BLOC1S3: variants seen among roughly 807,000 people sequenced by gnomAD.
The protein encoded by BLOC1S3 is biogenesis of lysosome-related organelles complex 1 subunit 3.
Under a neutral mutation model 9.1 loss-of-function variants are expected in BLOC1S3, and 7 were observed. The ratio of observed to expected loss-of-function variants is 0.77; its 90% CI spans 0.44 to 1.45. The LOEUF (loss-of-function observed/expected upper bound fraction) is 1.45. Among genes scored for constraint, BLOC1S3 ranks in the 40% most tolerant of loss-of-function variants. BLOC1S3 has a pLI of 0.01. For synonymous variants in BLOC1S3, 145 were observed against 158.4 expected (o/e 0.92, Z 0.64); for missense variants, 307 against 315.2 (o/e 0.97, Z 0.20).
At chr19:45,213,753 T>TG (rs1233452030) in intron 3 of BLOC1S3, among the ~76,000 whole-genome samples, 3 of 151,132 alleles carry the variant, frequency 2.0e-5, no homozygotes, top group Non-Finnish European at 2.9e-5. Context: ...GAGACCAGCC[T>TG]GGCCAACATG....
chr19:45,192,552 C>G (rs548508695), intron 2 of BLOC1S3, among the ~76,000 whole-genome samples: 1 of 152,336 alleles, frequency 6.6e-6, no homozygotes, highest in East Asian at 1.9e-4. Context: ...GTCAGTGTGT[C>G]TCTGAGTCTC....
At chr19:45,202,249 C>G (rs1287903980) in intron 2 of BLOC1S3, among the ~76,000 whole-genome samples, 1 of 146,570 alleles carries the variant, frequency 6.8e-6, no homozygotes, top group South Asian at 2.2e-4. Context: ...ACGTGCCTTT[C>G]AGCTTCTGCC....
At chr19:45,190,439 A>G (rs8113514) in intron 2 of BLOC1S3, among the ~76,000 whole-genome samples, 10,851 of 151,188 alleles carry the variant, frequency 0.072, 614 homozygotes, top group Non-Finnish European at 0.1. Flanking sequence ...TGGCTCTATC[A>G]CCCAGGCTGG....
chr19:45,195,875 G>A (rs931582476), intron 2 of BLOC1S3, among the ~76,000 whole-genome samples: 5 of 152,246 alleles, frequency 3.3e-5, no homozygotes, highest in Admixed American at 6.5e-5. Context: ...GATTACGGGC[G>A]TGAGCCACCG....
Position 45,179,589 on chromosome 19 carries a change from A to G in BLOC1S3, c.293A>G (p.Glu98Gly). ...GCGGAGGAGGCCTGGGGCACGGAGG[A>G]GGCCCCGGCGCCCGCCCCCGCGCGC... ...ESAEEAWGTE[E>G]APAPAPARSL... The change falls in exon 2 of 2, where the codon GAG becomes GGG. Residue 98 changes from glutamate (E) to glycine (G), a missense_variant. Transcript: ENST00000433642. The surrounding 1 kb of genome is among the most constrained non-coding windows in gnomAD (Gnocchi z 4.6). 6.7e-7 allele frequency: 1 copy of G among 1,483,894 alleles called. No homozygotes were observed. The highest frequency in any genetic ancestry group is 8.9e-7 in the Non-Finnish European group (1 of 1,123,936). 91.9% of individuals were successfully genotyped at this position (1,483,894 alleles called of 1,614,324 possible).
intron 2 of BLOC1S3, among the ~76,000 whole-genome samples, chr19:45,190,385 A>T (rs1207245730): frequency 2.7e-5 from 4 of 150,062 alleles, no homozygotes; most frequent in Admixed American, 6.7e-5. Context: ...TCCCCCACCC[A>T]TATATATAGT....
In BLOC1S3 at chr19:45,179,134, C is replaced by T; in HGVS notation, c.-9-154C>T. ...GGGGTCCAGTAACCCCCATCATCAC[C>T]CAGTTTACAGAAGAGGAAACTGAGG... is the stretch of plus-strand genomic sequence containing the variant. On this transcript the variant is annotated intron_variant, in intron 1 of 1. Transcript: ENST00000433642. This position sits in a 1 kb window ranked among gnomAD's most constrained non-coding sequence, Gnocchi z 4.6. 1 of 783,852 alleles carries T rather than the reference C, an allele frequency of 1.3e-6. No individual in the cohort carries two copies. The highest frequency in any genetic ancestry group is 2.5e-5 in the South Asian group (1 of 39,638). 48.6% of individuals were successfully genotyped at this position (783,852 alleles called of 1,614,324 possible).
chr19:45,193,648 T>C (rs1164210410), intron 2 of BLOC1S3, among the ~76,000 whole-genome samples: 5 of 151,514 alleles, frequency 3.3e-5, no homozygotes, highest in Non-Finnish European at 5.9e-5. Context: ...ATTATTGAAA[T>C]TGGATTCACC....
At chr19:45,206,202 C>CA (rs547022330) in intron 3 of BLOC1S3, among the ~76,000 whole-genome samples, 1 of 151,436 alleles carries the variant, frequency 6.6e-6, no homozygotes, top group African/African-American at 2.4e-5. Context: ...ATATATATAC[C>CA]AAAAATTAGC....
intron 2 of BLOC1S3, among the ~76,000 whole-genome samples, chr19:45,189,280 A>G (rs1969587493): frequency 6.6e-6 from 1 of 152,184 alleles, no homozygotes; most frequent in Non-Finnish European, 1.5e-5. Flanking sequence ...TTGGCCTCCC[A>G]AAGTGCTGGG....
intron 2 of BLOC1S3, among the ~76,000 whole-genome samples, chr19:45,192,992 G>A (rs1215274994): frequency 6.6e-6 from 1 of 151,008 alleles, no homozygotes; most frequent in African/African-American, 2.4e-5. Flanking sequence ...AATTAGCCGG[G>A]TGTTGTGGCA....
At chr19:45,213,317 G>C (rs545279176) in intron 3 of BLOC1S3, 1 of 1,613,694 alleles carries the variant, frequency 6.2e-7, no homozygotes, top group East Asian at 2.2e-5. Flanking sequence ...GCTGTGTTGC[G>C]CAGGCCACGG....
Position 45,179,573 on chromosome 19 carries a change from G to A in BLOC1S3, c.277G>A (p.Ala93Thr), listed in dbSNP as rs1277233794. The A allele has an allele frequency of 4.0e-6, 6 of 1,505,968 alleles. No individual in the cohort carries two copies. Among genetic ancestry groups the A allele is most frequent in the Non-Finnish European group, 4.4e-6 (5 of 1,134,786 alleles). The allele number at this position is 1,505,968 out of a possible 1,614,324, so 93.3% of individuals were successfully genotyped here. ...GGTGCAGCGGGAATCGGCGGAGGAG[G>A]CCTGGGGCACGGAGGAGGCCCCGGC... is the stretch of plus-strand genomic sequence containing the variant. Reference protein sequence around the residue: ...LVVQRESAEEAWGTEEAPAPA... With the variant: ...LVVQRESAEETWGTEEAPAPA... The change falls in exon 2 of 2, where the codon GCC becomes ACC. Residue 93 changes from alanine (A) to threonine (T), a missense_variant. Transcript: ENST00000433642. This position sits in a 1 kb window ranked among gnomAD's most constrained non-coding sequence, Gnocchi z 4.6.
chr19:45,183,196 T>C (rs1370700503), downstream of BLOC1S3, among the ~76,000 whole-genome samples: 1 of 152,046 alleles, frequency 6.6e-6, no homozygotes, highest in Non-Finnish European at 1.5e-5. Flanking sequence ...AATTGTATTA[T>C]TGGCTGTGCG....
Position 45,180,767 on chromosome 19 carries a change from C to G in BLOC1S3, c.*862C>G, listed in dbSNP as rs150959722. On this transcript the variant is annotated 3_prime_UTR_variant, in exon 2 of 2. Transcript: ENST00000433642. Reference sequence around the variant, plus strand: ...TTAGAGACAGGGTCTCACTGTGTCTCCCAGGCTGGAGTACAGTGGCGTGAT... The same window carrying G: ...TTAGAGACAGGGTCTCACTGTGTCTGCCAGGCTGGAGTACAGTGGCGTGAT... The G allele has an allele frequency of 6.6e-5, 11 of 166,948 alleles. No individual in the cohort carries two copies. The highest frequency in any genetic ancestry group is 2.6e-4 in the African/African-American group (11 of 41,556). The allele number at this position is 166,948 out of a possible 1,614,324, so 10.3% of individuals were successfully genotyped here.
chr19:45,182,694 AT>A (rs1348198422), downstream of BLOC1S3, among the ~76,000 whole-genome samples: 1 of 152,174 alleles, frequency 6.6e-6, no homozygotes, highest in Non-Finnish European at 1.5e-5. Flanking sequence ...ATTTTAAAAA[AT>A]AAAATAGAGA....
chr19:45,212,589 T>G (rs964067918), intron 3 of BLOC1S3: 1 of 144,394 alleles, frequency 6.9e-6, no homozygotes, highest in African/African-American at 2.6e-5. Flanking sequence ...GGCCTCTGTT[T>G]CCCCCTACCT....
intron 3 of BLOC1S3, chr19:45,216,155 A>G (rs764043984): frequency 2.5e-6 from 4 of 1,613,712 alleles, no homozygotes; most frequent in Non-Finnish European, 3.4e-6. Flanking sequence ...ACTTCAGCCA[A>G]ATGGGGCACC....
At chr19:45,183,209 G>A (rs895242016), downstream of BLOC1S3, among the ~76,000 whole-genome samples, 4 of 152,096 alleles carry the variant, frequency 2.6e-5, no homozygotes, top group Non-Finnish European at 5.9e-5. Flanking sequence ...GCTGTGCGCA[G>A]TGGCTCACGC....
Sources: allele counts gnomAD v4.1 joint callset (sites outside exome capture counted in the v4.1 genomes callset), GRCh38; gene constraint gnomAD v4.1.1; non-coding constraint Gnocchi (gnomAD v3.1); transcripts MANE v1.5; gene names NCBI Gene and HGNC (gene_info 2026-07-23, HGNC 2026-07-21).